DDB1: variants seen among roughly 807,000 people sequenced by gnomAD.
DDB1 encodes damage specific DNA binding protein 1.
DDB1 carries 18 observed loss-of-function variants against 133.1 expected under a neutral mutation model. The observed-to-expected ratio is 0.14, with a 90% CI of 0.09 to 0.20. DDB1 has a LOEUF of 0.20. Among genes scored for constraint, DDB1 ranks in the 10% least tolerant of loss-of-function variants. The pLI, the probability that DDB1 is intolerant of heterozygous loss-of-function variation, is 1.00. For missense variants in DDB1, 828 were observed against 1,459.2 expected, an observed-to-expected ratio of 0.57 and a Z score of 7.05; for synonymous variants, 580 against 550.5, an observed-to-expected ratio of 1.05 and a Z score of -0.75.
Position 61,333,101 on chromosome 11 carries a change from A to G in DDB1, c.-133T>C. The G allele has an allele frequency of 1.2e-6, 1 of 803,870 alleles. No homozygotes were observed. The highest frequency in any genetic ancestry group is 1.8e-6 in the Non-Finnish European group (1 of 567,516). 49.8% of individuals were successfully genotyped at this position (803,870 alleles called of 1,614,324 possible). The stretch of plus-strand genomic sequence containing the variant: ...TGCCTCCGCCCCAGAGACACGTTGC[A>G]GGCCAGAGCGGCCGGGGCGCGGGGC... On this transcript the variant is annotated 5_prime_UTR_variant, in exon 1 of 27. Coordinates refer to ENST00000301764, the MANE Select transcript of DDB1 (RefSeq NM_001923.5).
intron 10 of DDB1, among the ~76,000 whole-genome samples, chr11:61,319,043 A>G (rs954796616): frequency 2.0e-5 from 3 of 152,192 alleles, no homozygotes; most frequent in South Asian, 2.1e-4. Context: ...TACCTCTACC[A>G]AACACAAACA....
intron 1 of DDB1, 48 bp downstream of exon 1, chr11:61,332,859 TC>T: frequency 2.9e-6 from 4 of 1,386,564 alleles, no homozygotes; most frequent in South Asian, 1.5e-5. Context: ...AGGCCGCGGC[TC>T]CCCCCAACTC....
At chr11:61,303,483 T>C (rs1239621196) in intron 22 of DDB1, 1 of 307,850 alleles carries the variant, frequency 3.2e-6, no homozygotes, top group Admixed American at 4.6e-5. Context: ...GGTCAGGAGA[T>C]CGAGACCATC....
intron 20 of DDB1, 94 bp from the exon 21 acceptor site, chr11:61,309,171 C>G: frequency 8.7e-7 from 1 of 1,153,300 alleles, no homozygotes; most frequent in Non-Finnish European, 1.3e-6. Context: ...CAAATTCTTG[C>G]CCCCCAAAAC....
chr11:61,306,096 T>G (rs909613523), intron 21 of DDB1, among the ~76,000 whole-genome samples: 3 of 152,198 alleles, frequency 2.0e-5, no homozygotes, highest in African/African-American at 7.2e-5. Context: ...TTCTATTGGC[T>G]GGCAACAGAA....
Position 61,324,115 on chromosome 11 carries a change from T to C in DDB1, c.785A>G (p.Asn262Ser), listed in dbSNP as rs950040995. 2 of 1,614,112 alleles carry C rather than the reference T, an allele frequency of 1.2e-6. No homozygotes were observed. Among genetic ancestry groups the C allele is most frequent in the South Asian group, 1.1e-5 (1 of 91,074 alleles). ...IIKQSTIVCH[N>S]RVDPNGSRYL... ...TCTTGAGCCATTAGGGTCCACTCGATTGTGGCACACAATCGTGCTTTGCTG... is the reference window on the plus strand; with the variant it reads ...TCTTGAGCCATTAGGGTCCACTCGACTGTGGCACACAATCGTGCTTTGCTG... Residue 262 changes from asparagine (N) to serine (S), a missense_variant, in exon 7 of 27, where the codon AAT (asparagine) becomes AGT (serine). Coordinates refer to ENST00000301764, the MANE Select transcript of DDB1 (RefSeq NM_001923.5).
At chr11:61,328,321 G>T (rs1856303166) in intron 4 of DDB1, among the ~76,000 whole-genome samples, 1 of 152,144 alleles carries the variant, frequency 6.6e-6, no homozygotes, top group Non-Finnish European at 1.5e-5. Context: ...CATATAACAA[G>T]GCTATCAAAC....
At position 61,321,626 on chromosome 11, in the gene DDB1, C is replaced by G. The variant is rs773278192; in HGVS notation, c.1194G>C (p.Glu398Asp). Reference protein sequence around the residue: ...RIIRNGIGIHEHASIDLPGIK... With the variant: ...RIIRNGIGIHDHASIDLPGIK... ...TGCCTGGTAAGTCAATGCTGGCATG[C>G]TCGTGGATTCCAATTCCATTCCGGA... The change falls in exon 10 of 27, where the codon GAG becomes GAC. Residue 398 changes from glutamate (E) to aspartate (D), a missense_variant. By Grantham distance (45) the Glu-to-Asp change is conservative (BLOSUM62 2). This residue lies in a region of DDB1 where 35 missense variants were observed against 123.3 expected (regional missense o/e 0.28). Transcript: ENST00000301764. The G allele has an allele frequency of 1.2e-6, 2 of 1,614,178 alleles. No homozygotes were observed. Among genetic ancestry groups the G allele is most frequent in the Non-Finnish European group, 8.5e-7 (1 of 1,180,024 alleles).
chr11:61,309,099 T>C (rs1230527781), intron 20 of DDB1, 22 bp from the exon 21 acceptor site: 10 of 1,610,414 alleles, frequency 6.2e-6, no homozygotes, highest in East Asian at 2.2e-5. Context: ...AAAAATATGT[T>C]TGAGTCTCTA....
chr11:61,313,763 C>T lies in DDB1; in HGVS notation c.1862-57G>A, dbSNP rs990197138. On this transcript the variant is annotated intron_variant, in intron 15 of 26. Transcript: ENST00000301764. ...GAAAGAAAACAGGACAAAAAGCTGG[C>T]CTGTGAAAGTTCAAAAGCAGAACCC... 6 of 1,581,008 alleles carry T rather than the reference C, an allele frequency of 3.8e-6. No individual in the cohort carries two copies. The African/African-American group carries it at 8.2e-5, about 21-fold the overall frequency.
chr11:61,331,726 G>T, intron 1 of DDB1, 35 bp from the exon 2 acceptor site: 1 of 1,611,440 alleles, frequency 6.2e-7, no homozygotes, highest in Non-Finnish European at 8.5e-7. Flanking sequence ...TTGAACTCAG[G>T]GGAAGGGCCT....
In DDB1 at chr11:61,314,395, G is replaced by A; in HGVS notation, c.1502C>T (p.Ala501Val). ...CACCACCTGGCTGCTATTGCAGGAGGCCACACTGATGTTCTTGGCCTGAGG... is the reference window on the plus strand; with the variant it reads ...CACCACCTGGCTGCTATTGCAGGAGACCACACTGATGTTCTTGGCCTGAGG... ...KEPQAKNISV[A>V]SCNSSQVVVA... Residue 501 changes from alanine to valine, a missense_variant, in exon 13 of 27, where the codon GCC becomes GTC. Physicochemically the swap from Ala to Val is moderately conservative, Grantham distance 64. Around this residue, in one of 7 missense-constraint regions of DDB1, gnomAD observed 396 missense variants for 554.1 expected, o/e 0.71. Transcript: ENST00000301764. 6.2e-7 allele frequency: 1 copy of A among 1,614,244 alleles called. No homozygotes were observed. Among genetic ancestry groups the A allele is most frequent in the Non-Finnish European group, 8.5e-7 (1 of 1,180,042 alleles).
At chr11:61,323,557 C>T (rs185202933) in intron 7 of DDB1, 124 of 246,516 alleles carry the variant, frequency 5.0e-4, no homozygotes, top group Non-Finnish European at 8.7e-4. Context: ...GGACTACAGG[C>T]ACACACCACC....
chr11:61,325,797 G>A (rs1362704719), intron 5 of DDB1, 89 bp from the exon 6 acceptor site: 2 of 1,004,262 alleles, frequency 2.0e-6, no homozygotes, highest in Non-Finnish European at 3.1e-6. Flanking sequence ...TTAGCCCCAA[G>A]GCAAACTTTA....
At position 61,300,047 on chromosome 11, in the gene DDB1, A is replaced by G. The variant is rs534974673; in HGVS notation, c.*89T>C. The G allele has an allele frequency of 1.4e-5, 19 of 1,390,100 alleles. No homozygotes were observed. In the Admixed American group the frequency reaches 2.4e-4, roughly 18 times the overall value. 86.1% of individuals were successfully genotyped at this position (1,390,100 alleles called of 1,614,324 possible). A position where few individuals can be genotyped will look rare whatever the true frequency, so the allele number is the denominator to read the frequency against. On this transcript the variant is annotated 3_prime_UTR_variant, in exon 27 of 27. Transcript: ENST00000301764. Reference sequence around the variant, plus strand: ...CAGCTGGCTTAGGGAAAGGCCTCCCATGGCCAAGAAGACGATGGTGGAGAG... The same window carrying G: ...CAGCTGGCTTAGGGAAAGGCCTCCCGTGGCCAAGAAGACGATGGTGGAGAG...
At position 61,301,064 on chromosome 11, in the gene DDB1, T is replaced by C. The variant is rs894327296; in HGVS notation, c.3216-132A>G. ...GAAATGACACTTCCTTTCGCCTTGC[T>C]TTTATTTGGACATTTTTGGAATTGA... On this transcript the variant is annotated intron_variant, in intron 25 of 26. Coordinates refer to ENST00000301764, the MANE Select transcript of DDB1 (RefSeq NM_001923.5). 8.1e-6 allele frequency: 11 copies of C among 1,350,048 alleles called. 1 individual carries two copies. The Admixed American group carries it at 2.5e-4, about 31-fold the overall frequency. The allele number at this position is 1,350,048 out of a possible 1,614,324, so 83.6% of individuals were successfully genotyped here. A position where few individuals can be genotyped will look rare whatever the true frequency, so the allele number is the denominator to read the frequency against.
At chr11:61,317,138 G>C (rs568398928) in intron 10 of DDB1, among the ~76,000 whole-genome samples, 33 of 151,278 alleles carry the variant, frequency 2.2e-4, no homozygotes, top group Non-Finnish European at 4.4e-4. Context: ...TTTTTGAGAC[G>C]GAGTCTCGCT....
chr11:61,332,121 G>A, intron 1 of DDB1: 1 of 168,140 alleles, frequency 5.9e-6, no homozygotes, highest in Admixed American at 5.6e-5. Context: ...AGAAGTCCCA[G>A]AGCTTTATAT....
In DDB1 at chr11:61,327,825, G is replaced by A. The variant is rs28720268; in HGVS notation, c.550-932C>T. On this transcript the variant is annotated intron_variant, in intron 4 of 26. Coordinates refer to ENST00000301764, the MANE Select transcript of DDB1 (RefSeq NM_001923.5). ...GAAGTTATGGAAGGAATTCAGCAAT[G>A]TGTTTCAGGGCAGGGATCACATCTT... Among the ~76,000 whole-genome samples the A allele has an allele frequency of 6.7e-3, 1,017 of 152,338 alleles. 13 individuals carry two copies. Among genetic ancestry groups the A allele is most frequent in the African/African-American group, 0.024 (983 of 41,580 alleles).
Sources: gnomAD v4.1 joint callset for allele counts (sites outside exome capture counted in the v4.1 genomes callset) on GRCh38, gnomAD v4.1.1 for gene constraint, gnomAD v4.1.1 regional missense constraint, MANE v1.5 for transcripts, NCBI Gene and HGNC (gene_info 2026-07-23, HGNC 2026-07-21) for gene names.